The following HMCN1 variants were observed in gnomAD, a reference collection of about 807,000 sequenced individuals.
HMCN1 encodes hemicentin 1.
In HMCN1, 321 loss-of-function variants were observed where a neutral mutation model predicts 625.9. The ratio of observed to expected loss-of-function variants is 0.51; its 90% confidence interval spans 0.47 to 0.56. The LOEUF is 0.56. Among genes scored for constraint, HMCN1 ranks in the 20% least tolerant of loss-of-function variants. The probability of loss-of-function intolerance (pLI) is 0.00; values close to 1 mark genes in which losing one functional copy is unlikely to be tolerated. For synonymous variants in HMCN1, 2,425 were observed against 2,417.6 expected, an observed-to-expected ratio of 1.00 and a Z score of -0.09; for missense variants, 6,588 against 6,887.3, an observed-to-expected ratio of 0.96 and a Z score of 1.54.
intron 14 of HMCN1, among the ~76,000 whole-genome samples, chr1:185,967,465 C>T (rs1479596640): frequency 6.6e-6 from 1 of 152,034 alleles, no homozygotes; most frequent in African/African-American, 2.4e-5. Context: ...AAGTTATGAA[C>T]CAACAGAGAT....
At chr1:186,115,961 T>C (rs1277771680) in intron 75 of HMCN1, among the ~76,000 whole-genome samples, 1 of 152,182 alleles carries the variant, frequency 6.6e-6, no homozygotes, top group Admixed American at 6.5e-5. Flanking sequence ...TCTGATGTTA[T>C]AGGTGAGCAT....
chr1:186,119,768 C>G lies in HMCN1; in HGVS notation c.11980C>G (p.Pro3994Ala). ...AGAGCCTCCAGTCATTCAGCCCCAA[C>G]CAAGTGAACTACACGTCATTCTGAA... ...VHEPPVIQPQ[P>A]SELHVILNNP... The change falls in exon 79 of 107, where the codon CCA (proline) becomes GCA (alanine). Residue 3994 changes from proline (P) to alanine (A), a missense_variant. Physicochemically the swap from Pro to Ala is conservative, Grantham distance 27. Transcript: ENST00000271588. 2.5e-6 allele frequency: 4 copies of G among 1,613,978 alleles called. No homozygotes were observed. In the South Asian group the frequency reaches 4.4e-5, roughly 18 times the overall value.
At chr1:186,100,042 C>G (rs1440838270) in intron 68 of HMCN1, among the ~76,000 whole-genome samples, 3 of 151,840 alleles carry the variant, frequency 2.0e-5, no homozygotes, top group Non-Finnish European at 4.4e-5. Flanking sequence ...ATGCAGGGGC[C>G]TGGTCTAGCA....
At chr1:185,949,841 A>T (rs1405080705) in intron 11 of HMCN1, among the ~76,000 whole-genome samples, 3 of 151,814 alleles carry the variant, frequency 2.0e-5, no homozygotes, top group African/African-American at 7.3e-5. Context: ...CTGGAGCTTG[A>T]TGTGTAGGGA....
At chr1:186,121,517 T>A (rs1661398502) in intron 80 of HMCN1, among the ~76,000 whole-genome samples, 1 of 152,136 alleles carries the variant, frequency 6.6e-6, no homozygotes, top group Non-Finnish European at 1.5e-5. Context: ...AATAGAAAAT[T>A]AGTGAAGCTT....
chr1:186,162,321 AC>A (rs1651553104), intron 97 of HMCN1, among the ~76,000 whole-genome samples: 2 of 149,622 alleles, frequency 1.3e-5, no homozygotes, highest in Non-Finnish European at 2.9e-5. Context: ...ACATTCATCT[AC>A]ATTTTTTTTC....
chr1:186,178,370 T>A, intron 103 of HMCN1, 46 bp from the exon 104 acceptor site: 1 of 1,316,964 alleles, frequency 7.6e-7, no homozygotes, highest in East Asian at 2.3e-5. Context: ...TGTGTGTGTA[T>A]GTATGTGTCT....
intron 97 of HMCN1, among the ~76,000 whole-genome samples, chr1:186,155,997 C>T (rs1287343488): frequency 6.6e-6 from 1 of 152,154 alleles, no homozygotes; most frequent in African/African-American, 2.4e-5. Flanking sequence ...ATTTTTAACA[C>T]AGACCCTAAA....
At chr1:185,770,578 C>G (rs1656172626) in intron 1 of HMCN1, among the ~76,000 whole-genome samples, 1 of 152,146 alleles carries the variant, frequency 6.6e-6, no homozygotes, top group Non-Finnish European at 1.5e-5. Context: ...ACAGGAGTTT[C>G]TGAGAAACCT....
chr1:185,952,806 A>G (rs1264006325), intron 11 of HMCN1, among the ~76,000 whole-genome samples: 2 of 151,648 alleles, frequency 1.3e-5, no homozygotes, highest in Non-Finnish European at 2.9e-5. Context: ...CCTAGAGAAA[A>G]AGAGTAGAGA....
At chr1:185,752,296 C>T (rs1654868800) in intron 1 of HMCN1, among the ~76,000 whole-genome samples, 1 of 151,900 alleles carries the variant, frequency 6.6e-6, no homozygotes, top group Admixed American at 6.6e-5. Context: ...TAGGGCTCAG[C>T]TTTATAAAAG....
In HMCN1 at chr1:185,813,231, A is replaced by G. The variant is rs187042021; in HGVS notation, c.269-32795A>G. 3.2e-3 allele frequency among the ~76,000 whole-genome samples: 480 copies of G among 152,286 alleles called. 1 individual carries two copies. Among genetic ancestry groups the G allele is most frequent in the African/African-American group, 0.011 (462 of 41,566 alleles). ...TTTATTAAAATAAGAAAATAGCTGC[A>G]TGGAAACAGGGTAAATTAATGTAAT... On this transcript the variant is annotated intron_variant, in intron 1 of 106. Transcript: ENST00000271588.
At chr1:186,147,825 C>CA (rs2102564178) in intron 93 of HMCN1, among the ~76,000 whole-genome samples, 1 of 152,304 alleles carries the variant, frequency 6.6e-6, no homozygotes, top group East Asian at 1.9e-4. Flanking sequence ...TTCAGAAAGT[C>CA]AATCTTTTAG....
Position 185,925,215 on chromosome 1 carries a change from A to G in HMCN1, c.1430+24A>G, listed in dbSNP as rs370512738. 133 of 1,599,658 alleles carry G rather than the reference A, an allele frequency of 8.3e-5. No homozygotes were observed. In the African/African-American group the frequency reaches 1.2e-3, roughly 14 times the overall value. ...AAGTAGGTACATGTTTCTGTCAGTA[A>G]TAAGATTCAGCATTTAACATGTAAA... On this transcript the variant is annotated intron_variant, in intron 9 of 106. Transcript: ENST00000271588.
At chr1:185,928,774 T>A in intron 10 of HMCN1, 107 bp downstream of exon 10, 1 of 1,197,326 alleles carries the variant, frequency 8.4e-7, no homozygotes, top group African/African-American at 1.5e-5. Context: ...GCGATTATTT[T>A]ATTATTGTCT....
At chr1:186,054,392 A>G (rs983140016) in intron 44 of HMCN1, among the ~76,000 whole-genome samples, 1 of 152,002 alleles carries the variant, frequency 6.6e-6, no homozygotes, top group African/African-American at 2.4e-5. Context: ...TAATCTTCAC[A>G]TGAGCTGTTA....
intron 56 of HMCN1, among the ~76,000 whole-genome samples, chr1:186,082,131 T>C (rs918800666): frequency 2.0e-5 from 3 of 152,180 alleles, no homozygotes; most frequent in African/African-American, 7.2e-5. Flanking sequence ...TCTACCAAAA[T>C]ACTTCAATGG....
At chr1:185,895,414 G>A (rs368951874) in intron 4 of HMCN1, among the ~76,000 whole-genome samples, 3 of 152,218 alleles carry the variant, frequency 2.0e-5, no homozygotes, top group Middle Eastern at 3.4e-3. Context: ...TTCCTACTCA[G>A]GAATGTTCAG....
chr1:186,190,112 G>A lies in HMCN1; in HGVS notation c.*234G>A, dbSNP rs564259144. 1.2e-5 allele frequency: 7 copies of A among 560,714 alleles called. No individual in the cohort carries two copies. The highest frequency in any genetic ancestry group is 9.4e-5 in the African/African-American group (5 of 53,326). 34.7% of individuals were successfully genotyped at this position (560,714 alleles called of 1,614,324 possible). A position where few individuals can be genotyped will look rare whatever the true frequency, so the allele number is the denominator to read the frequency against. ...TTATTATTTTATTTATTACACTGGA[G>A]CAGTTACTTCCCAAAGATTATTCTG... On this transcript the variant is annotated 3_prime_UTR_variant, in exon 107 of 107. Coordinates refer to ENST00000271588, the MANE Select transcript of HMCN1 (RefSeq NM_031935.3).
Sources: gnomAD v4.1 joint callset for allele counts (sites outside exome capture counted in the v4.1 genomes callset) on GRCh38, gnomAD v4.1.1 for gene constraint, MANE v1.5 for transcripts, NCBI Gene and HGNC (gene_info 2026-07-23, HGNC 2026-07-21) for gene names.